Variants in SH3TC1 observed in about 807,000 individuals in gnomAD.
SH3TC1 encodes the protein SH3 domain and tetratricopeptide repeat-containing protein 1.
A neutral mutation model predicts 117.3 loss-of-function variants in SH3TC1; 135 were observed. The observed-to-expected ratio is 1.15, with a 90% CI of 1.00 to 1.33. The LOEUF is 1.33. Among genes scored for constraint, SH3TC1 ranks in the 40% most tolerant of loss-of-function variants. SH3TC1 has a pLI of 0.00. For missense variants in SH3TC1, 2,092 were observed against 1,794.3 expected (o/e 1.17, Z -3.00); for synonymous variants, 898 against 816.9 (o/e 1.10, Z -1.69).
chr4:8,208,775 G>T (rs1445661384), intron 2 of SH3TC1, among the ~76,000 whole-genome samples: 2 of 152,234 alleles, frequency 1.3e-5, no homozygotes, highest in Admixed American at 1.3e-4. Context: ...CACTGCAGGT[G>T]GTCAGCAAAT....
At chr4:8,204,199 G>C (rs1292057789) in intron 1 of SH3TC1, among the ~76,000 whole-genome samples, 3 of 152,218 alleles carry the variant, frequency 2.0e-5, no homozygotes, top group South Asian at 4.1e-4. Context: ...TTCAAGCCAG[G>C]AGCAAGGGGA....
chr4:8,218,142 G>T (rs568338042), intron 7 of SH3TC1, 129 bp from the exon 8 acceptor site: 2 of 600,128 alleles, frequency 3.3e-6, no homozygotes, highest in East Asian at 2.8e-5. Flanking sequence ...GTGTGCACGT[G>T]TGTGTGTTGG....
At position 8,233,821 on chromosome 4, in the gene SH3TC1, C is replaced by T. The variant is rs1477484704; in HGVS notation, c.3282+308C>T. On this transcript the variant is annotated intron_variant, in intron 14 of 17. Transcript: ENST00000245105. ...TTCGTCCTTCCATCCATCCATCATC[C>T]GTCCATCCATCCATCAGGCATCCAT... Among the ~76,000 whole-genome samples, 8 of 150,438 alleles carry T rather than the reference C, an allele frequency of 5.3e-5. No homozygotes were observed. In the South Asian group the frequency reaches 6.4e-4, roughly 12 times the overall value.
rs200193783 is a variant in SH3TC1 at position 8,217,143 on chromosome 4, C to T, written c.815C>T (p.Pro272Leu). ...SSEEVAVAAA[P>L]EPLIPFHQWA... ...GAGGAGGTGGCAGTGGCGGCCGCCC[C>T]GGAGCCTTTGATTCCATTTCATCAG... Residue 272 changes from proline (P) to leucine (L), a missense_variant, in exon 7 of 18, where the codon CCG becomes CTG. Physicochemically the swap from Pro to Leu is moderately conservative, Grantham distance 98 (BLOSUM62 -3). Transcript: ENST00000245105. The T allele has an allele frequency of 7.5e-5, 121 of 1,611,034 alleles. No homozygotes were observed. In the African/African-American group the frequency reaches 1.1e-3, roughly 15 times the overall value.
intron 9 of SH3TC1, among the ~76,000 whole-genome samples, chr4:8,220,121 G>A (rs1341486712): frequency 6.6e-6 from 1 of 152,214 alleles, no homozygotes; most frequent in Non-Finnish European, 1.5e-5. Context: ...CATCTGCAAA[G>A]ATCCTTTCTC....
At position 8,237,476 on chromosome 4, in the gene SH3TC1, G is replaced by T. The variant is rs764186681; in HGVS notation, c.3559G>T (p.Asp1187Tyr). 1.3e-6 allele frequency: 2 copies of T among 1,567,894 alleles called. No homozygotes were observed. Among genetic ancestry groups the T allele is most frequent in the Non-Finnish European group, 1.7e-6 (2 of 1,158,766 alleles). The change falls in exon 17 of 18, where the codon GAC becomes TAC. Residue 1187 changes from aspartate to tyrosine, a missense_variant and splice_region_variant. Coordinates refer to ENST00000245105, the MANE Select transcript of SH3TC1 (RefSeq NM_018986.5). ...TGCCCCCTTGGCCTGCACCCCAGGG[G>T]ACCGGCTGAACGAGCGCGTGGCCTA... ...MALALSITLGDRLNERVAYHR... is the reference protein window; with the variant it reads ...MALALSITLGYRLNERVAYHR...
rs74796303 is a variant in SH3TC1 at position 8,233,137 on chromosome 4, G to C, written c.3132-226G>C. 4,983 of 1,371,002 alleles carry C rather than the reference G, an allele frequency of 3.6e-3. 149 individuals are homozygous for C. The African/African-American group carries it at 0.066, about 18-fold the overall frequency. The allele number at this position is 1,371,002 out of a possible 1,614,324, so 84.9% of individuals were successfully genotyped here. On this transcript the variant is annotated intron_variant, in intron 13 of 17. Transcript: ENST00000245105. ...GGACTAGCACGCTCCCCCAGCCACA[G>C]GGCAGCATGATGCCCAGTTCCCTCA...
rs1720713736 is a variant in SH3TC1 at position 8,228,044 on chromosome 4, C to CTG, written c.2351_2352dup (p.Arg785CysfsTer26). On this transcript the variant is annotated frameshift_variant, in exon 12 of 18. Coordinates refer to ENST00000245105, the MANE Select transcript of SH3TC1 (RefSeq NM_018986.5). LOFTEE classifies it high-confidence loss of function. Reference sequence around the variant, plus strand: ...CCTGACCCCGGGCACAGGCCAGGCGCTGCGCGGCCCCCTCTACACCAGCTT... The same window carrying CTG: ...CCTGACCCCGGGCACAGGCCAGGCGCTGTGCGCGGCCCCCTCTACACCAGCTT... The CTG allele has an allele frequency of 3.7e-6, 6 of 1,606,526 alleles. No individual in the cohort carries two copies. Among genetic ancestry groups the CTG allele is most frequent in the Non-Finnish European group, 5.1e-6 (6 of 1,175,770 alleles).
rs1294238128 is a variant in SH3TC1 at position 8,231,965 on chromosome 4, C to A, written c.2951-11C>A. ...GGGAGGCTGACGTCTTCCTTTTTGT[C>A]TTCTGCCCAGGCCAGCTGCGGGCCG... On this transcript the variant is annotated splice_polypyrimidine_tract_variant and intron_variant, in intron 12 of 17. Coordinates refer to ENST00000245105, the MANE Select transcript of SH3TC1 (RefSeq NM_018986.5). 5.0e-6 allele frequency: 8 copies of A among 1,609,348 alleles called. No individual in the cohort carries two copies. The highest frequency in any genetic ancestry group is 6.8e-6 in the Non-Finnish European group (8 of 1,179,722).
At chr4:8,239,324 GACACATGC>G (rs1174177787) in intron 17 of SH3TC1, among the ~76,000 whole-genome samples, 9 of 146,196 alleles carry the variant, frequency 6.2e-5, no homozygotes, top group African/African-American at 1.9e-4. Context: ...CAGGCACAGA[GACACATGC>G]ACACATGGAC....
Position 8,228,466 on chromosome 4 carries a change from C to G in SH3TC1, c.2772C>G (p.His924Gln). The change falls in exon 12 of 18, where the codon CAC becomes CAG. Residue 924 changes from histidine (H) to glutamine (Q), a missense_variant. Coordinates refer to ENST00000245105, the MANE Select transcript of SH3TC1 (RefSeq NM_018986.5). ...LHAGASRLAQHYLLEAVRLFS... is the reference protein window; with the variant it reads ...LHAGASRLAQQYLLEAVRLFS... The stretch of plus-strand genomic sequence containing the variant: ...CGGGTGCCAGCAGGCTGGCCCAGCA[C>G]TACCTCCTGGAGGCCGTGCGGCTGT... 1 of 1,608,100 alleles carries G rather than the reference C, an allele frequency of 6.2e-7. No individual in the cohort carries two copies. The highest frequency in any genetic ancestry group is 8.5e-7 in the Non-Finnish European group (1 of 1,177,672).
rs985260415 is a variant in SH3TC1 at position 8,186,076 on chromosome 4, C to T, written c.-57+3866C>T. On this transcript the variant is annotated intron_variant, in intron 1 of 16. Transcript: ENST00000508641. This position sits in a 1 kb window ranked among gnomAD's most constrained non-coding sequence, Gnocchi z 5.2. ...GCAGGAGCTGTCCGCGCGGGCCCCT[C>T]GCTGTTTTACTGTGGAGTTGTCGAT... Among the ~76,000 whole-genome samples, 1 of 152,200 alleles carries T rather than the reference C, an allele frequency of 6.6e-6. No homozygotes were observed. The highest frequency in any genetic ancestry group is 1.5e-5 in the Non-Finnish European group (1 of 68,040).
At chr4:8,199,081 G>A (rs1317522367), upstream of SH3TC1, among the ~76,000 whole-genome samples, 1 of 152,224 alleles carries the variant, frequency 6.6e-6, no homozygotes, top group African/African-American at 2.4e-5. Context: ...CTACTACAGA[G>A]CCTGGGGGCT....
chr4:8,189,244 C>T (rs1388208704), intron 1 of SH3TC1, among the ~76,000 whole-genome samples: 1 of 152,266 alleles, frequency 6.6e-6, no homozygotes, highest in East Asian at 1.9e-4. Flanking sequence ...GGGCACGTGG[C>T]CCACAGAGAG....
chr4:8,232,032 G>A lies in SH3TC1; in HGVS notation c.3007G>A (p.Glu1003Lys), dbSNP rs532219231. 4.3e-6 allele frequency: 7 copies of A among 1,613,212 alleles called. No homozygotes were observed. The South Asian group carries it at 4.4e-5, about 10-fold the overall frequency. ...CTTCTACAGCGCCGTCATGCCCAGC[G>A]AGGCCCAGTGTGTCATCTACCATGA... ...CHFYSAVMPS[E>K]AQCVIYHELQ... The change falls in exon 13 of 18, where the codon GAG becomes AAG. Residue 1003 changes from glutamate to lysine, a missense_variant. Glu to Lys is a moderately conservative substitution (Grantham distance 56). Coordinates refer to ENST00000245105, the MANE Select transcript of SH3TC1 (RefSeq NM_018986.5).
At chr4:8,191,393 A>G (rs1365138090) in intron 1 of SH3TC1, among the ~76,000 whole-genome samples, 1 of 152,192 alleles carries the variant, frequency 6.6e-6, no homozygotes, top group East Asian at 1.9e-4. Flanking sequence ...CCAGCCACCC[A>G]TCCGGCTGGG....
chr4:8,238,583 C>T (rs578235549), intron 17 of SH3TC1, among the ~76,000 whole-genome samples: 2 of 152,156 alleles, frequency 1.3e-5, no homozygotes. Context: ...GTATCCCCCG[C>T]GGCAGGCCTG....
At chr4:8,197,524 G>A (rs1485775410), upstream of SH3TC1, among the ~76,000 whole-genome samples, 1 of 152,228 alleles carries the variant, frequency 6.6e-6, no homozygotes, top group Non-Finnish European at 1.5e-5. Flanking sequence ...CTGTGGGTCA[G>A]ACTTTCAGAT....
chr4:8,207,751 C>T (rs1718326355), intron 2 of SH3TC1, among the ~76,000 whole-genome samples: 1 of 152,228 alleles, frequency 6.6e-6, no homozygotes, highest in Non-Finnish European at 1.5e-5. Flanking sequence ...GGTGCGTCCT[C>T]ACTTTCTGGG....
Sources: gnomAD v4.1 joint callset for allele counts (sites outside exome capture counted in the v4.1 genomes callset) on GRCh38, gnomAD v4.1.1 for gene constraint, Gnocchi (gnomAD v3.1) non-coding constraint, MANE v1.5 for transcripts, NCBI Gene and HGNC (gene_info 2026-07-23, HGNC 2026-07-21) for gene names.